The following STAG1 variants were observed in gnomAD, a reference collection of about 807,000 sequenced individuals.
STAG1 encodes the protein cohesin subunit SA-1.
Under a neutral mutation model 170.9 loss-of-function variants are expected in STAG1, and 26 were observed. That is an observed-to-expected ratio of 0.15 (90% CI 0.11 to 0.21). The LOEUF (loss-of-function observed/expected upper bound fraction) is 0.21. Among genes scored for constraint, STAG1 ranks in the 10% least tolerant of loss-of-function variants. The pLI, the probability that STAG1 is intolerant of heterozygous loss-of-function variation, is 1.00. For missense variants in STAG1, 964 were observed against 1,509.5 expected (o/e 0.64, Z 5.99); for synonymous variants, 514 against 497.7 (o/e 1.03, Z -0.44).
At chr3:136,545,977 C>CG (rs1306743774) in intron 5 of STAG1, among the ~76,000 whole-genome samples, 2 of 151,874 alleles carry the variant, frequency 1.3e-5, no homozygotes, top group Non-Finnish European at 2.9e-5. Context: ...ATGTGAGTAC[C>CG]GGTTAACTAA....
chr3:136,443,838 C>T (rs1365711645), intron 14 of STAG1, among the ~76,000 whole-genome samples: 1 of 152,144 alleles, frequency 6.6e-6, no homozygotes, highest in Admixed American at 6.6e-5. Flanking sequence ...CTTCACATCT[C>T]TGTCATCTTA....
chr3:136,465,159 T>C (rs1304696458), intron 12 of STAG1, among the ~76,000 whole-genome samples, 171 bp from the exon 13 acceptor site: 1 of 152,004 alleles, frequency 6.6e-6, no homozygotes, highest in South Asian at 2.1e-4. Context: ...AAGACAATAA[T>C]GTAAAATTCA....
At chr3:136,540,066 A>T (rs1057100409) in intron 6 of STAG1, among the ~76,000 whole-genome samples, 1 of 151,788 alleles carries the variant, frequency 6.6e-6, no homozygotes, top group Admixed American at 6.6e-5. Context: ...AATAAAGCTA[A>T]CCTCCTCAAC....
intron 6 of STAG1, among the ~76,000 whole-genome samples, chr3:136,528,958 A>AAAAC (rs1935220795): frequency 6.6e-6 from 1 of 151,960 alleles, no homozygotes; most frequent in African/African-American, 2.4e-5. Context: ...CAAAACAAAA[A>AAAAC]AAAACAGAAA....
At chr3:136,688,373 C>T (rs1405165242) in intron 1 of STAG1, among the ~76,000 whole-genome samples, 1 of 152,052 alleles carries the variant, frequency 6.6e-6, no homozygotes, top group South Asian at 2.1e-4. Flanking sequence ...AAGCAAAGAT[C>T]GTTCTACCAA....
At chr3:136,347,576 T>G (rs2108266057) in intron 29 of STAG1, among the ~76,000 whole-genome samples, 1 of 152,276 alleles carries the variant, frequency 6.6e-6, no homozygotes, top group African/African-American at 2.4e-5. Context: ...TTTGTTAAAC[T>G]TGAACAGTAA....
chr3:136,497,730 C>T (rs1476389064), intron 9 of STAG1, among the ~76,000 whole-genome samples: 1 of 151,610 alleles, frequency 6.6e-6, no homozygotes, highest in Non-Finnish European at 1.5e-5. Context: ...TGGCAGGCGC[C>T]TGTACTCCCA....
chr3:136,658,599 G>A lies in STAG1; in HGVS notation c.-83-27618C>T, dbSNP rs1419802686. Among the ~76,000 whole-genome samples the A allele has an allele frequency of 2.6e-5, 4 of 152,024 alleles. 1 individual carries two copies. The South Asian group carries it at 8.3e-4, about 32-fold the overall frequency. ...AGCAGATATGTAAAATAAGCTACAT[G>A]CCTTAGTACTCTTTTCCAAGTACAT... On this transcript the variant is annotated intron_variant, in intron 1 of 33. Coordinates refer to ENST00000383202, the MANE Select transcript of STAG1 (RefSeq NM_005862.3).
At position 136,421,130 on chromosome 3, in the gene STAG1, C is replaced by T; in HGVS notation, c.2071G>A (p.Val691Ile). The change falls in exon 20 of 34, where the codon GTT becomes ATT. Residue 691 changes from valine to isoleucine, a missense_variant. Val to Ile is a conservative substitution (Grantham distance 29, BLOSUM62 3). Around this residue, in one of 11 missense-constraint regions of STAG1, gnomAD observed 232 missense variants for 313.0 expected, o/e 0.74. Transcript: ENST00000383202. ...EEADDDDIYN[V>I]LSTLKRLTSF... ...GTTAACCGCTTTAATGTAGAAAGAA[C>T]ATTGTAAATGTCATCATCATCAGCT... 1.2e-6 allele frequency: 2 copies of T among 1,607,378 alleles called. No homozygotes were observed. Among genetic ancestry groups the T allele is most frequent in the Non-Finnish European group, 1.7e-6 (2 of 1,177,168 alleles).
intron 13 of STAG1, among the ~76,000 whole-genome samples, chr3:136,460,338 A>T (rs572341163): frequency 4.6e-5 from 7 of 152,340 alleles, no homozygotes; most frequent in African/African-American, 1.4e-4. Flanking sequence ...ACGGTGGCTC[A>T]CGCCTTTAGT....
intron 1 of STAG1, among the ~76,000 whole-genome samples, chr3:136,719,657 G>A (rs183543557): frequency 3.6e-5 from 4 of 111,802 alleles, no homozygotes; most frequent in Admixed American, 9.5e-5. Context: ...GTAGGTGGGT[G>A]GGTGGGTAGG....
intron 1 of STAG1, among the ~76,000 whole-genome samples, chr3:136,665,543 G>A (rs1447389077): frequency 6.6e-6 from 1 of 152,108 alleles, no homozygotes; most frequent in African/African-American, 2.4e-5. Flanking sequence ...ACTTTGGGAG[G>A]ACGAGACAGG....
chr3:136,471,554 T>C (rs1041850564), intron 12 of STAG1, among the ~76,000 whole-genome samples: 1 of 152,208 alleles, frequency 6.6e-6, no homozygotes, highest in African/African-American at 2.4e-5. Context: ...AGTAGATCCC[T>C]GCATACATAT....
At chr3:136,677,626 AAGGTTG>A (rs1942165807) in intron 1 of STAG1, among the ~76,000 whole-genome samples, 1 of 152,088 alleles carries the variant, frequency 6.6e-6, no homozygotes, top group Non-Finnish European at 1.5e-5. Context: ...CCTTATTAAA[AAGGTTG>A]ATGTAAGTTG....
In STAG1 at chr3:136,502,671, C is replaced by T. The variant is rs1290879051; in HGVS notation, c.785G>A (p.Arg262Lys). 1.2e-6 allele frequency: 2 copies of T among 1,613,836 alleles called. No homozygotes were observed. Among genetic ancestry groups the T allele is most frequent in the African/African-American group, 2.7e-5 (2 of 74,928 alleles). The change falls in exon 8 of 34, where the codon AGA becomes AAA. Residue 262 changes from arginine to lysine, a missense_variant. Around this residue, in one of 11 missense-constraint regions of STAG1, gnomAD observed 57 missense variants for 157.6 expected, o/e 0.36. Coordinates refer to ENST00000383202, the MANE Select transcript of STAG1 (RefSeq NM_005862.3). ...EAERNKMIGK[R>K]ANERLELLLQ... Reference sequence around the variant, plus strand: ...TAGTAACTCCAACCTTTCATTGGCTCTCTTCCCAATCATTTTATTTCTCTC... The same window carrying T: ...TAGTAACTCCAACCTTTCATTGGCTTTCTTCCCAATCATTTTATTTCTCTC...
intron 1 of STAG1, among the ~76,000 whole-genome samples, chr3:136,653,029 C>G (rs1003522444): frequency 6.6e-6 from 1 of 152,114 alleles, no homozygotes; most frequent in African/African-American, 2.4e-5. Context: ...AATCCCAGCA[C>G]TTTGGGAGGC....
intron 4 of STAG1, among the ~76,000 whole-genome samples, chr3:136,575,965 C>A (rs548007312): frequency 6.6e-6 from 1 of 152,290 alleles, no homozygotes; most frequent in African/African-American, 2.4e-5. Context: ...TAGCAAGTCA[C>A]CTCTGCCAAA....
At chr3:136,498,314 T>C (rs1421168364) in intron 9 of STAG1, among the ~76,000 whole-genome samples, 3 of 137,048 alleles carry the variant, frequency 2.2e-5, no homozygotes, top group East Asian at 2.2e-4. Context: ...CACATATATA[T>C]ACACATTACG....
chr3:136,681,788 A>T (rs552574070), intron 1 of STAG1, among the ~76,000 whole-genome samples: 1 of 152,358 alleles, frequency 6.6e-6, no homozygotes, highest in East Asian at 1.9e-4. Flanking sequence ...TCACATGATC[A>T]TCTCAATGCA....
Sources: allele counts gnomAD v4.1 joint callset (sites outside exome capture counted in the v4.1 genomes callset), GRCh38; gene constraint gnomAD v4.1.1; regional missense constraint gnomAD v4.1.1; transcripts MANE v1.5; gene names NCBI Gene and HGNC (gene_info 2026-07-23, HGNC 2026-07-21).